The following XYLT1 variants were observed in gnomAD, a reference collection of about 807,000 sequenced individuals.
XYLT1 encodes beta-D-xylosyltransferase 1.
XYLT1 carries 36 observed loss-of-function variants against 91.3 expected under a neutral mutation model. The ratio of observed to expected loss-of-function variants is 0.39; its 90% confidence interval spans 0.30 to 0.52. The LOEUF (loss-of-function observed/expected upper bound fraction) is 0.52, where lower values mean the gene tolerates loss of function less well. Ranked by LOEUF, XYLT1 falls within the 20% of genes least tolerant of loss-of-function variation. The pLI is 0.68. For synonymous variants in XYLT1, 588 were observed against 532.0 expected, an observed-to-expected ratio of 1.11 and a Z score of -1.45; for missense variants, 1,242 against 1,284.5, an observed-to-expected ratio of 0.97 and a Z score of 0.51.
chr16:17,172,680 C>T (rs1398972896), intron 5 of XYLT1, among the ~76,000 whole-genome samples: 2 of 152,082 alleles, frequency 1.3e-5, no homozygotes, highest in Non-Finnish European at 2.9e-5. Context: ...GCCATGTTGG[C>T]CAGGCTGGTC....
intron 2 of XYLT1, among the ~76,000 whole-genome samples, chr16:17,262,142 G>T (rs569277342): frequency 6.6e-6 from 1 of 152,240 alleles, no homozygotes; most frequent in African/African-American, 2.4e-5. Flanking sequence ...CTGACAATTG[G>T]ATGTATTTAT....
At chr16:17,383,010 G>A (rs964958567) in intron 1 of XYLT1, among the ~76,000 whole-genome samples, 5 of 151,778 alleles carry the variant, frequency 3.3e-5, no homozygotes, top group Non-Finnish European at 7.3e-5. Context: ...CCAAGACAGA[G>A]TCACACCATG....
chr16:17,108,970 C>A lies in XYLT1; in HGVS notation c.2605G>T (p.Glu869Ter). The A allele has an allele frequency of 6.4e-7, 1 of 1,568,206 alleles. No individual in the cohort carries two copies. Among genetic ancestry groups the A allele is most frequent in the Non-Finnish European group, 8.7e-7 (1 of 1,149,070 alleles). ...HNGPLRNAYM[E>*]QSFQSLNPVL... ...GGGTTTAGGCTCTGGAAGCTCTGCT[C>A]CATGTAGGCATTGCGGAGGGGCCCA... The change falls in exon 12 of 12, where the codon GAG (glutamate) becomes TAG (stop). Residue 869 changes from glutamate (E) to a stop codon, truncating the protein, a stop_gained. Transcript: ENST00000261381. LOFTEE classifies it high-confidence loss of function.
At chr16:17,144,672 A>G (rs2031085885) in intron 6 of XYLT1, among the ~76,000 whole-genome samples, 1 of 152,238 alleles carries the variant, frequency 6.6e-6, no homozygotes, top group Non-Finnish European at 1.5e-5. Flanking sequence ...AAAAGGTCAT[A>G]CATTTTTAAT....
chr16:17,386,992 A>C (rs1404999350), intron 1 of XYLT1, among the ~76,000 whole-genome samples: 1 of 152,222 alleles, frequency 6.6e-6, no homozygotes, highest in Non-Finnish European at 1.5e-5. Flanking sequence ...CAAAGAGGGC[A>C]CAGAACAGCC....
intron 1 of XYLT1, among the ~76,000 whole-genome samples, chr16:17,397,827 CTT>C (rs749199983): frequency 0.029 from 3,172 of 108,764 alleles, 79 homozygotes; most frequent in African/African-American, 0.11. Flanking sequence ...TTGAATAGCT[CTT>C]TTTTTTTTTT....
chr16:17,234,369 C>T (rs77835764), intron 3 of XYLT1, among the ~76,000 whole-genome samples: 101 of 152,300 alleles, frequency 6.6e-4, no homozygotes, highest in Admixed American at 3.3e-3. Flanking sequence ...CTTAACTGTT[C>T]AGTTACATCT....
chr16:17,360,828 A>G (rs1050205931), intron 1 of XYLT1, among the ~76,000 whole-genome samples: 15 of 152,230 alleles, frequency 9.9e-5, no homozygotes, highest in African/African-American at 3.6e-4. Context: ...TGTCCATCAG[A>G]GGAAAGCCTC....
At chr16:17,209,878 C>T (rs1000274933) in intron 3 of XYLT1, among the ~76,000 whole-genome samples, 3 of 152,112 alleles carry the variant, frequency 2.0e-5, no homozygotes, top group Non-Finnish European at 4.4e-5. Context: ...AGGACTATAG[C>T]GATTGTGGTT....
chr16:17,366,061 C>CTTTT (rs11398471), intron 1 of XYLT1, among the ~76,000 whole-genome samples: 6 of 128,672 alleles, frequency 4.7e-5, no homozygotes, highest in Admixed American at 1.6e-4. Flanking sequence ...AGCTGGTTTG[C>CTTTT]TTTTTTTTTT....
rs145650353 is a variant in XYLT1 at position 17,230,970 on chromosome 16, A to C, written c.913+28018T>G. Among the ~76,000 whole-genome samples the C allele has an allele frequency of 2.5e-3, 383 of 152,296 alleles. 2 individuals are homozygous for C. The highest frequency in any genetic ancestry group is 8.9e-3 in the African/African-American group (370 of 41,566). On this transcript the variant is annotated intron_variant, in intron 3 of 11. Transcript: ENST00000261381. Reference sequence around the variant, plus strand: ...TGACAATAAAGAATGATCCAGCCCAAAGTGTCAACAGGACCACAGTTGAAA... The same window carrying C: ...TGACAATAAAGAATGATCCAGCCCACAGTGTCAACAGGACCACAGTTGAAA...
chr16:17,401,509 G>T (rs2035968956), intron 1 of XYLT1, among the ~76,000 whole-genome samples: 1 of 152,158 alleles, frequency 6.6e-6, no homozygotes, highest in Non-Finnish European at 1.5e-5. Flanking sequence ...TTTGAGGAAA[G>T]GGATGGCTTC....
intron 1 of XYLT1, among the ~76,000 whole-genome samples, chr16:17,405,174 G>A (rs1473589440): frequency 6.6e-6 from 1 of 152,204 alleles, no homozygotes; most frequent in African/African-American, 2.4e-5. Context: ...GCTGAGGAAT[G>A]AATGTGGCGC....
At chr16:17,168,171 G>A (rs1440922459) in intron 5 of XYLT1, among the ~76,000 whole-genome samples, 5 of 152,202 alleles carry the variant, frequency 3.3e-5, no homozygotes, top group African/African-American at 1.2e-4. Context: ...ATTAACAATA[G>A]TAAAGACATG....
At chr16:17,131,796 G>C (rs1174259510) in intron 9 of XYLT1, among the ~76,000 whole-genome samples, 1 of 152,212 alleles carries the variant, frequency 6.6e-6, no homozygotes, top group Non-Finnish European at 1.5e-5. Context: ...GACTGTTAAA[G>C]TTTTCACTTG....
chr16:17,243,725 G>A (rs945879628), intron 3 of XYLT1, among the ~76,000 whole-genome samples: 9 of 152,174 alleles, frequency 5.9e-5, no homozygotes, highest in African/African-American at 1.2e-4. Context: ...ATCAATGTGA[G>A]GTGTCTCATT....
At chr16:17,118,507 G>A (rs1445483854) in intron 10 of XYLT1, among the ~76,000 whole-genome samples, 1 of 152,138 alleles carries the variant, frequency 6.6e-6, no homozygotes, top group Non-Finnish European at 1.5e-5. Flanking sequence ...ATCTACAGGG[G>A]TTCAAATAGG....
rs562505804 is a variant in XYLT1 at position 17,413,299 on chromosome 16, T to C, written c.364-55249A>G. ...GGCTGGCTTCACACCCTTCAAGGAC[T>C]CTAAGCAGTCATGCTGGGTACCCAC... is the stretch of plus-strand genomic sequence containing the variant. On this transcript the variant is annotated intron_variant, in intron 1 of 11. Transcript: ENST00000261381. Among the ~76,000 whole-genome samples, 43 of 152,320 alleles carry C rather than the reference T, an allele frequency of 2.8e-4. No individual in the cohort carries two copies. The South Asian group carries it at 8.3e-3, about 29-fold the overall frequency.
intron 8 of XYLT1, among the ~76,000 whole-genome samples, chr16:17,136,039 T>A (rs1423403726): frequency 6.6e-6 from 1 of 152,226 alleles, no homozygotes. Flanking sequence ...AGTGTTATTA[T>A]TGACCTAAAG....
Sources: gnomAD v4.1 joint callset for allele counts (sites outside exome capture counted in the v4.1 genomes callset) on GRCh38, gnomAD v4.1.1 for gene constraint, MANE v1.5 for transcripts, NCBI Gene and HGNC (gene_info 2026-07-23, HGNC 2026-07-21) for gene names.